Variants in MAP4 observed in about 807,000 individuals in gnomAD.
The protein encoded by MAP4 is microtubule-associated protein 4.
In MAP4, 76 loss-of-function variants were observed where a neutral mutation model predicts 170.2. The ratio of observed to expected loss-of-function variants is 0.45; its 90% CI spans 0.37 to 0.54. MAP4 has a LOEUF of 0.54. Ranked by LOEUF, MAP4 falls within the 20% of genes least tolerant of loss-of-function variation. The pLI is 0.00. For missense variants in MAP4, 2,506 were observed against 2,748.0 expected (o/e 0.91, Z 1.97); for synonymous variants, 909 against 994.5 (o/e 0.91, Z 1.62).
intron 1 of MAP4, among the ~76,000 whole-genome samples, chr3:48,054,629 CAAAAAAAA>C (rs745809251): frequency 2.5e-4 from 10 of 39,558 alleles, no homozygotes; most frequent in South Asian, 1.2e-3. Context: ...GACTCCATCT[CAAAAAAAA>C]AAAAAAAAAA....
At chr3:47,980,819 T>G (rs773965140) in intron 2 of MAP4, among the ~76,000 whole-genome samples, 1 of 152,200 alleles carries the variant, frequency 6.6e-6, no homozygotes, top group African/African-American at 2.4e-5. Context: ...CAAGAAAGAA[T>G]GCATATTTTT....
intron 1 of MAP4, among the ~76,000 whole-genome samples, chr3:48,043,234 G>T (rs550914829): frequency 6.6e-6 from 1 of 152,146 alleles, no homozygotes; most frequent in African/African-American, 2.4e-5. Flanking sequence ...CCAAGTAGCC[G>T]GGATTACAGG....
intron 1 of MAP4, among the ~76,000 whole-genome samples, chr3:48,063,167 T>C (rs1182740988): frequency 7.4e-6 from 1 of 135,948 alleles, no homozygotes; most frequent in Non-Finnish European, 1.6e-5. Flanking sequence ...AAGACAACAA[T>C]GAGATGCCAC....
chr3:47,852,411 A>C lies in MAP4; in HGVS notation c.*523T>G. On this transcript the variant is annotated 3_prime_UTR_variant, in exon 21 of 21. Transcript: ENST00000683076. The stretch of plus-strand genomic sequence containing the variant: ...GGCGCCCATTTGTGGGACCAGAGGG[A>C]GAGGCAGTGGCTTAAGCTCCACGGT... The C allele has an allele frequency of 5.1e-6, 1 of 196,644 alleles. No individual in the cohort carries two copies. 12.2% of individuals were successfully genotyped at this position (196,644 alleles called of 1,614,324 possible). A position where few individuals can be genotyped will look rare whatever the true frequency, so the allele number is the denominator to read the frequency against.
At chr3:48,081,010 G>C (rs915205191) in intron 1 of MAP4, among the ~76,000 whole-genome samples, 1 of 152,224 alleles carries the variant, frequency 6.6e-6, no homozygotes, top group Non-Finnish European at 1.5e-5. Flanking sequence ...TGTATTCCCA[G>C]CTACTAAAGA....
chr3:47,927,112 T>C (rs1305388652), intron 4 of MAP4, among the ~76,000 whole-genome samples: 2 of 150,476 alleles, frequency 1.3e-5, no homozygotes, highest in Non-Finnish European at 3.0e-5. Flanking sequence ...TAAGCTGAGA[T>C]TGCGCCACTG....
chr3:47,963,386 A>T (rs1478883348), intron 3 of MAP4, among the ~76,000 whole-genome samples: 1 of 152,224 alleles, frequency 6.6e-6, no homozygotes, highest in Non-Finnish European at 1.5e-5. Flanking sequence ...CTTCAGGCAA[A>T]CAACTATTTT....
At chr3:47,967,992 C>A (rs551585961) in intron 3 of MAP4, among the ~76,000 whole-genome samples, 23 of 152,172 alleles carry the variant, frequency 1.5e-4, no homozygotes, top group Admixed American at 1.3e-3. Context: ...TACCAGCGAC[C>A]GACATTTCAA....
chr3:48,006,226 G>A (rs2100102228), intron 1 of MAP4, among the ~76,000 whole-genome samples: 1 of 132,814 alleles, frequency 7.5e-6, no homozygotes, highest in African/African-American at 2.6e-5. Context: ...GGGGAGGCCA[G>A]GTACCCTTGA....
chr3:47,858,634 G>GT (rs2060701921), intron 17 of MAP4, among the ~76,000 whole-genome samples: 2 of 151,692 alleles, frequency 1.3e-5, no homozygotes, highest in African/African-American at 4.9e-5. Context: ...GTGTGTGTGT[G>GT]TGTGTGTGTG....
At chr3:47,882,999 T>A (rs763708809) in intron 10 of MAP4, among the ~76,000 whole-genome samples, 20 of 151,892 alleles carry the variant, frequency 1.3e-4, no homozygotes, top group Admixed American at 1.2e-3. Flanking sequence ...TTAGTAGAGA[T>A]GGGGTTTCGT....
intron 1 of MAP4, among the ~76,000 whole-genome samples, chr3:48,013,292 A>G (rs893475415): frequency 6.6e-6 from 1 of 151,816 alleles, no homozygotes. Context: ...GTGAATGAGA[A>G]GCATTTACTC....
chr3:48,005,035 T>A (rs1226305692), intron 1 of MAP4, among the ~76,000 whole-genome samples: 1 of 152,060 alleles, frequency 6.6e-6, no homozygotes, highest in Non-Finnish European at 1.5e-5. Context: ...AGGTTGAGAG[T>A]GTGACCCAGG....
intron 1 of MAP4, among the ~76,000 whole-genome samples, chr3:48,038,902 G>T (rs1020431871): frequency 6.6e-6 from 1 of 152,144 alleles, no homozygotes; most frequent in African/African-American, 2.4e-5. Flanking sequence ...AGGAGTTCAA[G>T]ATCAGCCTGG....
intron 1 of MAP4, among the ~76,000 whole-genome samples, chr3:48,076,492 A>G (rs1468127988): frequency 6.6e-6 from 1 of 150,638 alleles, no homozygotes. Flanking sequence ...ACAGAACGAG[A>G]CTACATCTTA....
intron 3 of MAP4, among the ~76,000 whole-genome samples, chr3:47,950,130 T>G (rs1315964359): frequency 6.6e-6 from 1 of 152,212 alleles, no homozygotes; most frequent in African/African-American, 2.4e-5. Context: ...TGTCTCTTTC[T>G]TTCATACTCT....
chr3:47,859,844 T>C (rs2062804337), intron 17 of MAP4, among the ~76,000 whole-genome samples: 1 of 152,232 alleles, frequency 6.6e-6, no homozygotes, highest in African/African-American at 2.4e-5. Flanking sequence ...ATCTCCAAAA[T>C]GGAAGTTTAG....
chr3:47,856,673 C>T (rs555246943), intron 18 of MAP4, among the ~76,000 whole-genome samples: 29 of 152,326 alleles, frequency 1.9e-4, no homozygotes, highest in Non-Finnish European at 2.5e-4. Flanking sequence ...GTGATCCGCC[C>T]GCTTTGGCCT....
At chr3:48,084,385 C>CTA (rs1553759320) in intron 1 of MAP4, among the ~76,000 whole-genome samples, 2 of 127,538 alleles carry the variant, frequency 1.6e-5, no homozygotes, top group Admixed American at 8.2e-5. Context: ...GATCTCATCT[C>CTA]TAAAAAAAAA....
Sources: gnomAD v4.1 joint callset for allele counts (sites outside exome capture counted in the v4.1 genomes callset) on GRCh38, gnomAD v4.1.1 for gene constraint, MANE v1.5 for transcripts, NCBI Gene and HGNC (gene_info 2026-07-23, HGNC 2026-07-21) for gene names.